RYR2: variants seen among roughly 807,000 people sequenced by gnomAD.
RYR2 encodes the protein ryanodine receptor 2, also known as cardiac muscle ryanodine receptor-calcium release channel.
In RYR2, 227 loss-of-function variants were observed where a neutral mutation model predicts 601.1. That is an observed-to-expected ratio of 0.38 (90% CI 0.34 to 0.42). The LOEUF is 0.42. Ranked by LOEUF, RYR2 falls within the 10% of genes least tolerant of loss-of-function variation. RYR2 has a pLI of 1.00. For synonymous variants in RYR2, 2,223 were observed against 2,175.1 expected (o/e 1.02, Z -0.61); for missense variants, 4,646 against 6,156.5 (o/e 0.75, Z 8.21).
intron 80 of RYR2, among the ~76,000 whole-genome samples, chr1:237,743,385 A>G (rs1218989376): frequency 6.6e-6 from 1 of 152,086 alleles, no homozygotes; most frequent in Non-Finnish European, 1.5e-5. Context: ...ATGCCATAAG[A>G]TTAATTTCTG....
In RYR2 at chr1:237,150,171, G is replaced by A. The variant is rs559126966; in HGVS notation, c.48+107602G>A. Among the ~76,000 whole-genome samples the A allele has an allele frequency of 8.6e-5, 13 of 152,032 alleles. 1 individual carries two copies. The highest frequency in any genetic ancestry group is 6.5e-4 in the Admixed American group (10 of 15,272). On this transcript the variant is annotated intron_variant, in intron 1 of 104. Transcript: ENST00000366574. Reference sequence around the variant, plus strand: ...GGTTTGGAAATCTTAAATAACTTTCGCAAGGACATGCAAGTGTATGTAGCA... The same window carrying A: ...GGTTTGGAAATCTTAAATAACTTTCACAAGGACATGCAAGTGTATGTAGCA...
At chr1:237,162,713 GGCACA>G (rs1405097952) in intron 1 of RYR2, among the ~76,000 whole-genome samples, 1 of 152,124 alleles carries the variant, frequency 6.6e-6, no homozygotes, top group East Asian at 1.9e-4. Flanking sequence ...AGAAACTGCA[GGCACA>G]GGCAGGGAAG....
chr1:237,432,879 T>G (rs78219922), intron 12 of RYR2, among the ~76,000 whole-genome samples: 2,470 of 147,492 alleles, frequency 0.017, 65 homozygotes, highest in African/African-American at 0.063. Flanking sequence ...TTTTGTTGTT[T>G]TTTTTTTTTT....
At chr1:237,722,166 A>G (rs1037924992) in intron 73 of RYR2, among the ~76,000 whole-genome samples, 5 of 152,164 alleles carry the variant, frequency 3.3e-5, no homozygotes, top group African/African-American at 9.6e-5. Context: ...TCTTTCTACA[A>G]TTAGACTGTG....
intron 1 of RYR2, among the ~76,000 whole-genome samples, chr1:237,129,101 T>C (rs1671860785): frequency 6.6e-6 from 1 of 152,204 alleles, no homozygotes; most frequent in Non-Finnish European, 1.5e-5. Context: ...ATCTGACTAC[T>C]TTCTGCCACC....
At chr1:237,346,383 A>AAAAAAAAAAAAAAAAAAAAAAAAAC in intron 3 of RYR2, among the ~76,000 whole-genome samples, 1 of 151,658 alleles carries the variant, frequency 6.6e-6, no homozygotes, top group Non-Finnish European at 1.5e-5. Flanking sequence ...AAAAAAAAAA[A>AAAAAAAAAAAAAAAAAAAAAAAAAC]AGTGCATATC....
At chr1:237,556,890 A>AC (rs1670954100) in intron 27 of RYR2, among the ~76,000 whole-genome samples, 1 of 54,168 alleles carries the variant, frequency 1.8e-5, no homozygotes, top group African/African-American at 5.6e-5. Flanking sequence ...CAAAAAAAAA[A>AC]AAAAAAAAAA....
At chr1:237,297,237 T>A (rs1406185143) in intron 2 of RYR2, among the ~76,000 whole-genome samples, 2 of 152,110 alleles carry the variant, frequency 1.3e-5, no homozygotes, top group Non-Finnish European at 2.9e-5. Flanking sequence ...AAAGATTGAT[T>A]TATGAAGAAA....
intron 29 of RYR2, among the ~76,000 whole-genome samples, chr1:237,580,867 A>G (rs1673842862): frequency 6.6e-6 from 1 of 152,208 alleles, no homozygotes; most frequent in African/African-American, 2.4e-5. Flanking sequence ...TGCCATCTAC[A>G]CACCATGGAG....
At chr1:237,783,591 T>C in intron 89 of RYR2, 84 bp from the exon 90 acceptor site, 1 of 769,452 alleles carries the variant, frequency 1.3e-6, no homozygotes, top group South Asian at 1.9e-5. Context: ...ATTCAGATGT[T>C]ATTAAAGATC....
At chr1:237,250,822 A>G (rs1687385539) in intron 1 of RYR2, among the ~76,000 whole-genome samples, 1 of 152,164 alleles carries the variant, frequency 6.6e-6, no homozygotes, top group East Asian at 1.9e-4. Context: ...GCATGTAAAC[A>G]TGTGATCATA....
chr1:237,323,744 C>T (rs947175292), intron 2 of RYR2, among the ~76,000 whole-genome samples: 13 of 152,298 alleles, frequency 8.5e-5, no homozygotes, highest in Non-Finnish European at 1.9e-4. Context: ...CTCATTTAAA[C>T]GTGCTGCTAT....
intron 1 of RYR2, among the ~76,000 whole-genome samples, chr1:237,119,529 G>C (rs1282770741): frequency 6.6e-6 from 1 of 152,154 alleles, no homozygotes; most frequent in Non-Finnish European, 1.5e-5. Context: ...TCCAGAGACA[G>C]ATATCCAGGT....
At chr1:237,622,488 G>GTA (rs1344280129) in intron 38 of RYR2, among the ~76,000 whole-genome samples, 1 of 152,150 alleles carries the variant, frequency 6.6e-6, no homozygotes, top group African/African-American at 2.4e-5. Context: ...TGTAAGGTGT[G>GTA]TATGAAACAT....
At chr1:237,146,069 C>G (rs1673965900) in intron 1 of RYR2, among the ~76,000 whole-genome samples, 1 of 152,078 alleles carries the variant, frequency 6.6e-6, no homozygotes, top group African/African-American at 2.4e-5. Flanking sequence ...TGCAGAGGGA[C>G]TATAGCATAT....
chr1:237,719,635 GC>G (rs1182225174), intron 73 of RYR2, among the ~76,000 whole-genome samples: 1 of 152,064 alleles, frequency 6.6e-6, no homozygotes, highest in Non-Finnish European at 1.5e-5. Flanking sequence ...TGAAAGTTTT[GC>G]CCCGTGATCA....
intron 1 of RYR2, among the ~76,000 whole-genome samples, chr1:237,102,378 A>C (rs1441222818): frequency 1.3e-5 from 2 of 152,206 alleles, no homozygotes; most frequent in Admixed American, 1.3e-4. Context: ...ACACACACAT[A>C]CACAGCAGCC....
intron 1 of RYR2, among the ~76,000 whole-genome samples, chr1:237,168,755 C>T (rs1193316750): frequency 3.3e-5 from 5 of 152,118 alleles, no homozygotes; most frequent in African/African-American, 7.2e-5. Context: ...AGTTATACGC[C>T]GCTTTCAGAT....
At chr1:237,832,329 G>T (rs1558506422) in intron 104 of RYR2, among the ~76,000 whole-genome samples, 1 of 151,888 alleles carries the variant, frequency 6.6e-6, no homozygotes, top group African/African-American at 2.4e-5. Flanking sequence ...TGGGATTATA[G>T]GCTTGAGCCA....
Sources: gnomAD v4.1 joint callset for allele counts (sites outside exome capture counted in the v4.1 genomes callset) on GRCh38, gnomAD v4.1.1 for gene constraint, MANE v1.5 for transcripts, NCBI Gene and HGNC (gene_info 2026-07-23, HGNC 2026-07-21) for gene names.